Variants in SCRG1 observed in about 807,000 individuals in gnomAD.
SCRG1 encodes the protein scrapie-responsive protein 1.
A neutral mutation model predicts 7.7 loss-of-function variants in SCRG1; 3 were observed. The ratio of observed to expected loss-of-function variants is 0.39; its 90% CI spans 0.18 to 1.01. SCRG1 has a LOEUF of 1.01. Among genes scored for constraint, SCRG1 ranks in the 50% least tolerant of loss-of-function variants. The probability of loss-of-function intolerance (pLI) is 0.36; values close to 1 mark genes in which losing one functional copy is unlikely to be tolerated. For synonymous variants in SCRG1, 46 were observed against 41.2 expected, an observed-to-expected ratio of 1.12 and a Z score of -0.44; for missense variants, 110 against 117.2, an observed-to-expected ratio of 0.94 and a Z score of 0.28.
At chr4:173,505,023 C>T in the SCRG1 span, among the ~76,000 whole-genome samples, 1 of 152,208 alleles carries the variant, frequency 6.6e-6, no homozygotes, top group Non-Finnish European at 1.5e-5. The surrounding 1 kb of genome is among the most constrained non-coding windows in gnomAD (Gnocchi z 4.4). Flanking sequence ...GAAGAGAAAT[C>T]ACCATAGTCT....
chr4:173,413,619 G>A, the SCRG1 span, among the ~76,000 whole-genome samples: 433 of 152,312 alleles, frequency 2.8e-3, 2 homozygotes, highest in African/African-American at 9.2e-3. Context: ...TAGTTAAGAT[G>A]AGCCAGGTAA....
the SCRG1 span, among the ~76,000 whole-genome samples, chr4:173,453,111 G>A: frequency 6.6e-6 from 1 of 152,230 alleles, no homozygotes; most frequent in Non-Finnish European, 1.5e-5. Context: ...AGGTGACACA[G>A]ATGACATTTG....
chr4:173,516,752 G>A, the SCRG1 span, among the ~76,000 whole-genome samples: 3 of 152,210 alleles, frequency 2.0e-5, no homozygotes, highest in Admixed American at 6.5e-5. Context: ...GCCCAGGGAA[G>A]GTAAATTACC....
At chr4:173,510,920 C>T in the SCRG1 span, among the ~76,000 whole-genome samples, 1 of 152,208 alleles carries the variant, frequency 6.6e-6, no homozygotes, top group Non-Finnish European at 1.5e-5. The surrounding 1 kb of genome is among the most constrained non-coding windows in gnomAD (Gnocchi z 5.7). Flanking sequence ...CTGGCGTAGA[C>T]AAAGAATAAC....
At chr4:173,486,857 A>T in the SCRG1 span, among the ~76,000 whole-genome samples, 1 of 152,188 alleles carries the variant, frequency 6.6e-6, no homozygotes, top group Non-Finnish European at 1.5e-5. Flanking sequence ...TCTGATGGCC[A>T]GGTGGCCCTC....
chr4:173,449,789 G>A, the SCRG1 span, among the ~76,000 whole-genome samples: 1 of 152,274 alleles, frequency 6.6e-6, no homozygotes, highest in Admixed American at 6.5e-5. Flanking sequence ...ATTTTTGAGT[G>A]TTCTCAACTG....
the SCRG1 span, among the ~76,000 whole-genome samples, chr4:173,484,936 T>TACA: frequency 1.2e-4 from 4 of 33,272 alleles, no homozygotes; most frequent in African/African-American, 4.4e-4. Context: ...ATATATTATA[T>TACA]TATATATTAT....
chr4:173,500,428 T>C, the SCRG1 span, among the ~76,000 whole-genome samples: 2 of 152,182 alleles, frequency 1.3e-5, no homozygotes, highest in Non-Finnish European at 2.9e-5. Flanking sequence ...CCCATTTTAT[T>C]TCGTGCAGAA....
chr4:173,507,350 C>T, the SCRG1 span, among the ~76,000 whole-genome samples: 1 of 152,192 alleles, frequency 6.6e-6, no homozygotes, highest in African/African-American at 2.4e-5. This position sits in a 1 kb window ranked among gnomAD's most constrained non-coding sequence, Gnocchi z 4.4. Context: ...GCTGGGATTA[C>T]AGGCGCCTGC....
chr4:173,417,890 A>G, the SCRG1 span, among the ~76,000 whole-genome samples: 1 of 152,138 alleles, frequency 6.6e-6, no homozygotes, highest in Non-Finnish European at 1.5e-5. Context: ...CTGTGTTTCT[A>G]TAAGGACCTG....
the SCRG1 span, among the ~76,000 whole-genome samples, chr4:173,519,129 A>AGG: frequency 6.6e-6 from 1 of 151,334 alleles, no homozygotes; most frequent in African/African-American, 2.5e-5. Context: ...AAATGCAGAG[A>AGG]AAAAATAGAG....
chr4:173,433,218 G>T, the SCRG1 span, among the ~76,000 whole-genome samples: 1 of 152,010 alleles, frequency 6.6e-6, no homozygotes, highest in Admixed American at 6.6e-5. Flanking sequence ...TATGTGTGTT[G>T]GGGGGAAAGG....
the SCRG1 span, among the ~76,000 whole-genome samples, chr4:173,428,574 A>G: frequency 6.6e-6 from 1 of 152,224 alleles, no homozygotes; most frequent in Non-Finnish European, 1.5e-5. Flanking sequence ...GAATGCATGA[A>G]AAAGAGGGGA....
At chr4:173,484,711 ATAT>A in the SCRG1 span, among the ~76,000 whole-genome samples, 1 of 95,332 alleles carries the variant, frequency 1.0e-5, no homozygotes, top group Non-Finnish European at 1.8e-5. Context: ...CATATAATAC[ATAT>A]TATATATTAT....
At chr4:173,453,202 T>C in the SCRG1 span, among the ~76,000 whole-genome samples, 8 of 152,234 alleles carry the variant, frequency 5.3e-5, no homozygotes, top group African/African-American at 1.9e-4. Flanking sequence ...GCAGCAGGCA[T>C]ACCTGCCCTT....
chr4:173,479,767 C>A, the SCRG1 span, among the ~76,000 whole-genome samples: 1 of 151,844 alleles, frequency 6.6e-6, no homozygotes, highest in Non-Finnish European at 1.5e-5. Flanking sequence ...AGAAAGCTAA[C>A]TTTAGGGAAC....
At chr4:173,453,617 C>T in the SCRG1 span, among the ~76,000 whole-genome samples, 1 of 152,140 alleles carries the variant, frequency 6.6e-6, no homozygotes, top group Non-Finnish European at 1.5e-5. Flanking sequence ...CATATCTATA[C>T]ATAGAAAAGG....
At chr4:173,432,300 CCCCTCCCT>C in the SCRG1 span, among the ~76,000 whole-genome samples, 2 of 133,262 alleles carry the variant, frequency 1.5e-5, no homozygotes, top group Non-Finnish European at 1.6e-5. Flanking sequence ...CCTTCCTCCC[CCCCTCCCT>C]CCCTCCTTCC....
the SCRG1 span, among the ~76,000 whole-genome samples, chr4:173,441,823 G>A: frequency 6.6e-6 from 1 of 152,190 alleles, no homozygotes; most frequent in East Asian, 1.9e-4. Flanking sequence ...AGGCTGCAGT[G>A]AGCTATGATC....
Sources: gnomAD v4.1 joint callset for allele counts (sites outside exome capture counted in the v4.1 genomes callset) on GRCh38, gnomAD v4.1.1 for gene constraint, Gnocchi (gnomAD v3.1) non-coding constraint, MANE v1.5 for transcripts, NCBI Gene and HGNC (gene_info 2026-07-23, HGNC 2026-07-21) for gene names.